Variants in NUP155 observed in about 807,000 individuals in gnomAD.
NUP155 encodes nuclear pore complex protein Nup155.
In NUP155, 71 loss-of-function variants were observed where a neutral mutation model predicts 180.4. The ratio of observed to expected loss-of-function variants is 0.39; its 90% CI spans 0.33 to 0.48. The LOEUF (loss-of-function observed/expected upper bound fraction) is 0.48. Ranked by LOEUF, NUP155 falls within the 20% of genes least tolerant of loss-of-function variation. The pLI, the probability that NUP155 is intolerant of heterozygous loss-of-function variation, is 0.91. For missense variants in NUP155, 1,553 were observed against 1,648.9 expected, an observed-to-expected ratio of 0.94 and a Z score of 1.01; for synonymous variants, 582 against 559.5, an observed-to-expected ratio of 1.04 and a Z score of -0.57.
At chr5:37,338,378 A>C (rs1164033921) in intron 11 of NUP155, among the ~76,000 whole-genome samples, 1 of 151,348 alleles carries the variant, frequency 6.6e-6, no homozygotes, top group African/African-American at 2.4e-5. Flanking sequence ...ACTTAAAACT[A>C]GCATATATAA....
At chr5:37,336,432 T>C (rs1278955895) in intron 12 of NUP155, among the ~76,000 whole-genome samples, 1 of 151,810 alleles carries the variant, frequency 6.6e-6, no homozygotes, top group African/African-American at 2.4e-5. Context: ...TGCTGTCTTT[T>C]AAAAGAGTAA....
chr5:37,327,574 A>C, intron 18 of NUP155, 55 bp downstream of exon 18: 1 of 1,595,596 alleles, frequency 6.3e-7, no homozygotes, highest in Non-Finnish European at 8.6e-7. Flanking sequence ...AAAATATTTA[A>C]CTACTCAAGA....
At chr5:37,331,017 G>T (rs1346811201) in intron 14 of NUP155, among the ~76,000 whole-genome samples, 1 of 151,822 alleles carries the variant, frequency 6.6e-6, no homozygotes, top group Non-Finnish European at 1.5e-5. Flanking sequence ...GGCGTGGTGG[G>T]GGGGTCCTGT....
At chr5:37,308,970 A>G (rs1743352889) in intron 24 of NUP155, among the ~76,000 whole-genome samples, 159 bp downstream of exon 24, 1 of 152,040 alleles carries the variant, frequency 6.6e-6, no homozygotes, top group African/African-American at 2.4e-5. Context: ...ATATTGCAAC[A>G]CAATGATACC....
chr5:37,350,819 TAAAAAAAAAAAA>T (rs57132136), intron 6 of NUP155, among the ~76,000 whole-genome samples: 4 of 100,490 alleles, frequency 4.0e-5, no homozygotes, highest in Non-Finnish European at 4.1e-5. Context: ...CCATCACATT[TAAAAAAAAAAAA>T]AAAAAAAAAG....
intron 3 of NUP155, among the ~76,000 whole-genome samples, chr5:37,361,011 G>A (rs1054225294): frequency 1.3e-5 from 2 of 152,112 alleles, no homozygotes; most frequent in African/African-American, 2.4e-5. Flanking sequence ...GCTCATGCTT[G>A]TAATCCCAGC....
intron 9 of NUP155, among the ~76,000 whole-genome samples, chr5:37,345,295 C>G (rs1042535830): frequency 6.6e-6 from 1 of 151,690 alleles, no homozygotes; most frequent in African/African-American, 2.4e-5. Flanking sequence ...TGCTTGACCT[C>G]AGGAGTTCAA....
At chr5:37,296,556 C>CCGGA (rs58507411) in intron 32 of NUP155, among the ~76,000 whole-genome samples, 37 of 150,346 alleles carry the variant, frequency 2.5e-4, no homozygotes, top group Non-Finnish European at 3.0e-4. Context: ...CTGCGGAAGG[C>CCGGA]AGCCGCAGGG....
In NUP155 at chr5:37,355,584, TG is replaced by T. The variant is rs1427241521; in HGVS notation, c.463+2496del. 5.6e-3 allele frequency among the ~76,000 whole-genome samples: 844 copies of T among 151,160 alleles called. 6 individuals carry two copies. Among genetic ancestry groups the T allele is most frequent in the Non-Finnish European group, 6.3e-3 (430 of 67,872 alleles). On this transcript the variant is annotated intron_variant, in intron 4 of 34. Transcript: ENST00000231498. ...ATATTTATTTATTTGTTTGTTTGTT[TG>T]TTTGTTTTTCAGAGGCGATGTCTCA...
At position 37,370,883 on chromosome 5, in the gene NUP155, C is replaced by A. The variant is rs1443753999; in HGVS notation, c.95G>T (p.Arg32Leu). 4 of 1,614,074 alleles carry A rather than the reference C, an allele frequency of 2.5e-6. No individual in the cohort carries two copies. Among genetic ancestry groups the A allele is most frequent in the Non-Finnish European group, 3.4e-6 (4 of 1,180,044 alleles). Residue 32 changes from arginine (R) to leucine (L), a missense_variant, in exon 1 of 35, where the codon CGT becomes CTT. Transcript: ENST00000231498. Reference protein sequence around the residue: ...ALENAGRLIDRQLQEDRMYPD... With the variant: ...ALENAGRLIDLQLQEDRMYPD... ...GTACATGCGGTCCTCTTGCAACTGA[C>A]GGTCGATGAGCCGTCCAGCATTTTC...
At chr5:37,324,145 C>T (rs747499828) in intron 19 of NUP155, 38 bp from the exon 20 acceptor site, 4 of 1,242,676 alleles carry the variant, frequency 3.2e-6, no homozygotes, top group Non-Finnish European at 4.7e-6. Flanking sequence ...TTTAAAAACA[C>T]ACCCTCTGTA....
chr5:37,327,750 G>C lies in NUP155; in HGVS notation c.1903C>G (p.Pro635Ala). The C allele has an allele frequency of 6.2e-7, 1 of 1,614,092 alleles. No individual in the cohort carries two copies. The highest frequency in any genetic ancestry group is 2.2e-5 in the East Asian group (1 of 44,874). Residue 635 changes from proline to alanine, a missense_variant, in exon 18 of 35, where the codon CCA (proline) becomes GCA (alanine). Physicochemically the swap from Pro to Ala is conservative, Grantham distance 27 (BLOSUM62 -1). Coordinates refer to ENST00000231498, the MANE Select transcript of NUP155 (RefSeq NM_153485.3). ...HGIQPPAMST[P>A]VCALGNPATQ... Reference sequence around the variant, plus strand: ...GCTGGGTTTCCCAGAGCACACACTGGAGTTGACATGGCAGGAGGCTGTATA... The same window carrying C: ...GCTGGGTTTCCCAGAGCACACACTGCAGTTGACATGGCAGGAGGCTGTATA...
In NUP155 at chr5:37,301,490, A is replaced by G. The variant is rs1054265553; in HGVS notation, c.3508T>C (p.Ser1170Pro). The change falls in exon 30 of 35, where the codon TCT (serine) becomes CCT (proline). Residue 1170 changes from serine (S) to proline (P), a missense_variant. Transcript: ENST00000231498. ...TLQRQYSHHS[S>P]VQDAVSQLDS... ...AGCTGAGAAACTGCATCCTGTACAG[A>G]AGAATGATGGGAATACTGCCTTTGT... The G allele has an allele frequency of 1.2e-5, 20 of 1,613,870 alleles. No homozygotes were observed. Among genetic ancestry groups the G allele is most frequent in the Non-Finnish European group, 1.7e-5 (20 of 1,179,882 alleles).
chr5:37,309,014 C>A, intron 24 of NUP155, 115 bp downstream of exon 24: 1 of 1,078,318 alleles, frequency 9.3e-7, no homozygotes, highest in Non-Finnish European at 1.4e-6. Context: ...GCCTCTGATG[C>A]TGAAAGAAGA....
chr5:37,298,237 C>T (rs954686868), intron 32 of NUP155, among the ~76,000 whole-genome samples: 1 of 100,550 alleles, frequency 9.9e-6, no homozygotes, highest in Non-Finnish European at 2.2e-5. Context: ...GCCTCTGTCT[C>T]AAAAAAAAAA....
intron 19 of NUP155, among the ~76,000 whole-genome samples, chr5:37,324,373 C>T (rs533531225): frequency 6.6e-6 from 1 of 152,144 alleles, no homozygotes; most frequent in Non-Finnish European, 1.5e-5. Flanking sequence ...GACCACAATA[C>T]AGAAATTTCC....
rs1382380312 is a variant in NUP155 at position 37,309,256 on chromosome 5, A to G, written c.2640T>C (p.Leu880=). 1.2e-6 allele frequency: 2 copies of G among 1,608,734 alleles called. No homozygotes were observed. Among genetic ancestry groups the G allele is most frequent in the South Asian group, 2.2e-5 (2 of 90,630 alleles). The change falls in exon 24 of 35, where the codon CTT becomes CTC. Residue 880 remains leucine (L), a synonymous_variant. Transcript: ENST00000231498. ...DDAICSKANE[L]LQRSRQVQNK... ...TTTGAACTTGTCGGGAACGCTGGAGAAGCTCATTTGCCTAGAAGAGGAGAT... is the reference window on the plus strand; with the variant it reads ...TTTGAACTTGTCGGGAACGCTGGAGGAGCTCATTTGCCTAGAAGAGGAGAT...
At chr5:37,317,682 A>G (rs1743984710) in intron 21 of NUP155, among the ~76,000 whole-genome samples, 1 of 126,010 alleles carries the variant, frequency 7.9e-6, no homozygotes, top group Admixed American at 1.1e-4. Flanking sequence ...TACTTTCCCA[A>G]TCACACTTTT....
chr5:37,295,667 A>G (rs370342244), intron 32 of NUP155, among the ~76,000 whole-genome samples: 5 of 138,772 alleles, frequency 3.6e-5, no homozygotes, highest in East Asian at 2.2e-4. Flanking sequence ...GCCACCCATC[A>G]TCTGAGATGT....
Sources: gnomAD v4.1 joint callset for allele counts (sites outside exome capture counted in the v4.1 genomes callset) on GRCh38, gnomAD v4.1.1 for gene constraint, MANE v1.5 for transcripts, NCBI Gene and HGNC (gene_info 2026-07-23, HGNC 2026-07-21) for gene names.